PCMT1: variants seen among roughly 807,000 people sequenced by gnomAD.
PCMT1 encodes the protein protein-L-isoaspartate(D-aspartate) O-methyltransferase.
A neutral mutation model predicts 29.2 loss-of-function variants in PCMT1; 9 were observed. That is an observed-to-expected ratio of 0.31 (90% CI 0.19 to 0.54). The LOEUF (loss-of-function observed/expected upper bound fraction) is 0.54, where lower values mean the gene tolerates loss of function less well. Ranked by LOEUF, PCMT1 falls within the 20% of genes least tolerant of loss-of-function variation. The pLI is 0.95. For synonymous variants in PCMT1, 98 were observed against 97.5 expected (o/e 1.00, Z -0.03); for missense variants, 184 against 282.2 (o/e 0.65, Z 2.49).
chr6:149,762,591 CTATG>C lies in PCMT1; in HGVS notation c.56-8570_56-8567del, dbSNP rs1786808733. Reference sequence around the variant, plus strand: ...ATATATATATCTATGATATATATATCTATGATATATATATCTATGATATATATAT... The same window carrying C: ...ATATATATATCTATGATATATATATCATATATATATCTATGATATATATAT... On this transcript the variant is annotated intron_variant, in intron 1 of 7. Coordinates refer to ENST00000464889, the MANE Select transcript of PCMT1 (RefSeq NM_001360452.2). 3.6e-5 allele frequency among the ~76,000 whole-genome samples: 2 copies of C among 55,396 alleles called. 1 individual carries two copies. The highest frequency in any genetic ancestry group is 1.2e-3 in the South Asian group (2 of 1,696). 36.3% of individuals were successfully genotyped at this position (55,396 alleles called of 152,430 possible).
At chr6:149,806,595 ATTTTG>A (rs1196207971) in intron 7 of PCMT1, among the ~76,000 whole-genome samples, 1 of 151,578 alleles carries the variant, frequency 6.6e-6, no homozygotes, top group Non-Finnish European at 1.5e-5. Flanking sequence ...GTTTTGTTTT[ATTTTG>A]TTTTGTTTTG....
chr6:149,803,514 C>CTT (rs1031531684), intron 7 of PCMT1, among the ~76,000 whole-genome samples: 3 of 142,216 alleles, frequency 2.1e-5, no homozygotes, highest in Non-Finnish European at 4.7e-5. Context: ...CAAGATTTCT[C>CTT]TTTTCCTCCC....
intron 6 of PCMT1, 49 bp downstream of exon 6, chr6:149,796,549 T>C (rs2115326964): frequency 1.6e-6 from 2 of 1,259,390 alleles, no homozygotes; most frequent in South Asian, 1.3e-5. Flanking sequence ...ACTAAAACTC[T>C]ACAAGACTTA....
At chr6:149,798,814 A>G (rs1017898354) in intron 6 of PCMT1, among the ~76,000 whole-genome samples, 3 of 152,258 alleles carry the variant, frequency 2.0e-5, no homozygotes, top group Admixed American at 6.5e-5. Context: ...GGTGGCATCA[A>G]GACCTTGAAA....
intron 1 of PCMT1, among the ~76,000 whole-genome samples, chr6:149,764,926 A>C (rs1425437174): frequency 6.6e-6 from 1 of 150,996 alleles, no homozygotes; most frequent in East Asian, 1.9e-4. Context: ...CTGTAGTCCC[A>C]GCTACTCTGG....
rs763302036 is a variant in PCMT1, at chr6:149,802,138, TAAATA to T, written c.505-47_505-43del. ...AGTGAGACCCTGTCTCAAAAATAAA[TAAATA>T]AAATAAAATAAAATCTGTAACTTGG... On this transcript the variant is annotated intron_variant, in intron 6 of 7. Coordinates refer to ENST00000464889, the MANE Select transcript of PCMT1 (RefSeq NM_001360452.2). 333 of 1,235,942 alleles carry T rather than the reference TAAATA, an allele frequency of 2.7e-4. No individual in the cohort carries two copies. The Middle Eastern group carries it at 3.2e-3, about 12-fold the overall frequency. 76.6% of individuals were successfully genotyped at this position (1,235,942 alleles called of 1,614,324 possible). A position where few individuals can be genotyped will look rare whatever the true frequency, so the allele number is the denominator to read the frequency against.
chr6:149,750,009 C>T, intron 1 of PCMT1, 53 bp downstream of exon 1: 4 of 1,565,486 alleles, frequency 2.6e-6, no homozygotes, highest in Non-Finnish European at 3.5e-6. Flanking sequence ...TGGGCCTGGA[C>T]CGGGTCCCCC....
At chr6:149,798,905 G>A (rs950123682) in intron 6 of PCMT1, among the ~76,000 whole-genome samples, 6 of 152,314 alleles carry the variant, frequency 3.9e-5, no homozygotes, top group Admixed American at 1.3e-4. Flanking sequence ...TAATCTCTAC[G>A]TAAGAAATTT....
intron 3 of PCMT1, among the ~76,000 whole-genome samples, chr6:149,788,915 T>G (rs1195492483): frequency 6.6e-6 from 1 of 152,208 alleles, no homozygotes; most frequent in East Asian, 1.9e-4. Flanking sequence ...GTGCATTCAT[T>G]ATGTATCTAT....
chr6:149,769,308 C>CTTTTTTTTTT (rs372773939), intron 1 of PCMT1, among the ~76,000 whole-genome samples: 1,541 of 71,326 alleles, frequency 0.022, 348 homozygotes, highest in East Asian at 0.079. Flanking sequence ...GTGCAGGATT[C>CTTTTTTTTTT]TTTTTTTTTT....
At chr6:149,777,654 T>C (rs1562408443) in intron 3 of PCMT1, among the ~76,000 whole-genome samples, 1 of 152,170 alleles carries the variant, frequency 6.6e-6, no homozygotes, top group East Asian at 1.9e-4. Flanking sequence ...ATGTTTTTCT[T>C]TGGGAATGAA....
At chr6:149,760,446 T>C (rs1455210295) in intron 1 of PCMT1, among the ~76,000 whole-genome samples, 3 of 152,162 alleles carry the variant, frequency 2.0e-5, no homozygotes, top group Non-Finnish European at 4.4e-5. Flanking sequence ...CCTCTCTTGT[T>C]GCTCTGCTCT....
At chr6:149,756,899 A>AATC (rs1786531389) in intron 1 of PCMT1, among the ~76,000 whole-genome samples, 1 of 152,034 alleles carries the variant, frequency 6.6e-6, no homozygotes, top group Admixed American at 6.6e-5. Context: ...TCATGCCTGT[A>AATC]ATCCTAGCAC....
At chr6:149,793,162 C>CAA (rs59087711) in intron 4 of PCMT1, among the ~76,000 whole-genome samples, 1 of 129,858 alleles carries the variant, frequency 7.7e-6, no homozygotes. Context: ...GACTCTCTCT[C>CAA]AAAAAAAAAA....
At chr6:149,767,714 A>G (rs142525547) in intron 1 of PCMT1, among the ~76,000 whole-genome samples, 1 of 151,764 alleles carries the variant, frequency 6.6e-6, no homozygotes, top group East Asian at 2.0e-4. Context: ...TTGGCTTTCT[A>G]AATTGCTGGG....
At chr6:149,762,348 G>C (rs923807304) in intron 1 of PCMT1, among the ~76,000 whole-genome samples, 11 of 151,516 alleles carry the variant, frequency 7.3e-5, no homozygotes, top group Non-Finnish European at 1.5e-4. Context: ...GCGGCAAGCA[G>C]ATCGGGTATG....
At chr6:149,761,895 A>T (rs1468041656) in intron 1 of PCMT1, among the ~76,000 whole-genome samples, 6 of 152,178 alleles carry the variant, frequency 3.9e-5, no homozygotes, top group Non-Finnish European at 7.4e-5. Context: ...ATTAATATTT[A>T]TGACTGTATC....
chr6:149,780,737 A>G (rs761115059), intron 3 of PCMT1, among the ~76,000 whole-genome samples: 5 of 152,204 alleles, frequency 3.3e-5, no homozygotes, highest in Non-Finnish European at 5.9e-5. Context: ...TGGATATACA[A>G]CATTTATCTA....
At position 149,809,819 on chromosome 6, in the gene PCMT1, T is replaced by C. The variant is rs1017357596; in HGVS notation, c.*38-797T>C. Among the ~76,000 whole-genome samples, 4 of 152,138 alleles carry C rather than the reference T, an allele frequency of 2.6e-5. No homozygotes were observed. The East Asian group carries it at 7.7e-4, about 29-fold the overall frequency. On this transcript the variant is annotated intron_variant, in intron 7 of 7. Transcript: ENST00000464889. ...TATATATACATATATGTAATTTTTT[T>C]CCTTTTTCTTAAACCACTTGAGACT...
Sources: gnomAD v4.1 joint callset for allele counts (sites outside exome capture counted in the v4.1 genomes callset) on GRCh38, gnomAD v4.1.1 for gene constraint, MANE v1.5 for transcripts, NCBI Gene and HGNC (gene_info 2026-07-23, HGNC 2026-07-21) for gene names.